Variants in AHRR observed in about 807,000 individuals in gnomAD.
The protein encoded by AHRR is ahR repressor.
Under a neutral mutation model 44.0 loss-of-function variants are expected in AHRR, and 28 were observed. The observed-to-expected ratio is 0.64, with a 90% CI of 0.47 to 0.87. AHRR has a LOEUF of 0.87. AHRR is among the 40% of genes least tolerant of loss of function. The pLI is 0.00. For synonymous variants in AHRR, 434 were observed against 407.0 expected, an observed-to-expected ratio of 1.07 and a Z score of -0.80; for missense variants, 990 against 953.9, an observed-to-expected ratio of 1.04 and a Z score of -0.50.
chr5:360,624 G>A (rs11745733), intron 3 of AHRR, among the ~76,000 whole-genome samples: 14,970 of 152,204 alleles, frequency 0.098, 1,053 homozygotes, highest in Non-Finnish European at 0.13. Context: ...GAGAACACAC[G>A]TACCCCATGA....
intron 8 of AHRR, among the ~76,000 whole-genome samples, chr5:429,326 G>A (rs72717413): frequency 0.15 from 20,826 of 135,748 alleles, 1,861 homozygotes; most frequent in Non-Finnish European, 0.22. Flanking sequence ...AGGTAGGGCC[G>A]GGGCCGCCAG....
In AHRR at chr5:348,101, C is replaced by T. The variant is rs145450397; in HGVS notation, c.62+4137C>T. On this transcript the variant is annotated intron_variant, in intron 2 of 10. Transcript: ENST00000684583. ...GGCAGCTGATGTGGGGGAAGCCGGG[C>T]GGCCGGCTGGGACAGCCCTCCCCTT... 1.8e-3 allele frequency among the ~76,000 whole-genome samples: 267 copies of T among 152,348 alleles called. 1 individual carries two copies. The highest frequency in any genetic ancestry group is 5.5e-3 in the African/African-American group (230 of 41,590).
chr5:400,789 G>T (rs183727211), intron 4 of AHRR, among the ~76,000 whole-genome samples: 35 of 152,212 alleles, frequency 2.3e-4, no homozygotes, highest in Non-Finnish European at 2.9e-5. Context: ...GCTTTTGGTT[G>T]TGACTAATCT....
intron 3 of AHRR, among the ~76,000 whole-genome samples, chr5:371,615 C>T (rs980515939): frequency 2.0e-5 from 3 of 152,184 alleles, no homozygotes; most frequent in Non-Finnish European, 4.4e-5. Context: ...GTCCTAGACC[C>T]ACCTGTCCTG....
rs1340804136 is a variant in AHRR, at chr5:435,075, T to C, written c.*241T>C. 1 of 548,836 alleles carries C rather than the reference T, an allele frequency of 1.8e-6. No homozygotes were observed. The highest frequency in any genetic ancestry group is 1.9e-5 in the African/African-American group (1 of 53,084). The allele number at this position is 548,836 out of a possible 1,614,324, so 34.0% of individuals were successfully genotyped here. On this transcript the variant is annotated 3_prime_UTR_variant, in exon 11 of 11. Coordinates refer to ENST00000684583, the MANE Select transcript of AHRR (RefSeq NM_001377236.1). ...TTAAGTCTATTCAAGCATGACAGCA[T>C]TTCTCTTTGAGGAATTAAAATCTTT...
intron 4 of AHRR, among the ~76,000 whole-genome samples, chr5:394,619 C>T (rs1734615989): frequency 2.7e-5 from 4 of 150,628 alleles, no homozygotes. Flanking sequence ...TGCTGGAGCC[C>T]TCTTGTCTCT....
chr5:336,161 C>T (rs56325643), intron 1 of AHRR, among the ~76,000 whole-genome samples: 15,243 of 152,198 alleles, frequency 0.1, 2,461 homozygotes, highest in African/African-American at 0.34. Flanking sequence ...TCCCTAAATC[C>T]GATGCAGATT....
chr5:432,937 G>A lies in AHRR; in HGVS notation c.1102G>A (p.Gly368Arg). The change falls in exon 10 of 11, where the codon GGG (glycine) becomes AGG (arginine). Residue 368 changes from glycine (G) to arginine (R), a missense_variant. Transcript: ENST00000684583. ...GGPDLVLDPK[G>R]GSGDREEEQH... ...CCCTGACCTTGTCCTTGACCCCAAG[G>A]GGGGCTCAGGGTAAGTGGTGCCAGG... 1 of 1,605,560 alleles carries A rather than the reference G, an allele frequency of 6.2e-7. No individual in the cohort carries two copies. The highest frequency in any genetic ancestry group is 1.1e-5 in the South Asian group (1 of 90,024).
chr5:414,316 C>T (rs1044914840), intron 5 of AHRR, among the ~76,000 whole-genome samples: 1 of 152,022 alleles, frequency 6.6e-6, no homozygotes, highest in Non-Finnish European at 1.5e-5. Context: ...AGGGGAGCAA[C>T]GGAGCTGTTT....
chr5:390,794 G>A (rs1184097709), intron 4 of AHRR, among the ~76,000 whole-genome samples: 2 of 152,192 alleles, frequency 1.3e-5, no homozygotes, highest in East Asian at 1.9e-4. Context: ...GGAGGGGCGG[G>A]TTTCATGGAA....
rs927289674 is a variant in AHRR, at chr5:342,357, C to T, written c.-10-1536C>T. On this transcript the variant is annotated intron_variant, in intron 1 of 10. Coordinates refer to ENST00000684583, the MANE Select transcript of AHRR (RefSeq NM_001377236.1). This position sits in a 1 kb window ranked among gnomAD's most constrained non-coding sequence, Gnocchi z 4.3. Reference sequence around the variant, plus strand: ...AAGCTCCATTGCTAGGTACATTTACCTTTAGGATTGTCAGATCTTCTTGGA... The same window carrying T: ...AAGCTCCATTGCTAGGTACATTTACTTTTAGGATTGTCAGATCTTCTTGGA... Among the ~76,000 whole-genome samples, 1 of 152,066 alleles carries T rather than the reference C, an allele frequency of 6.6e-6. No homozygotes were observed. Among genetic ancestry groups the T allele is most frequent in the Admixed American group, 6.6e-5 (1 of 15,260 alleles).
intron 8 of AHRR, among the ~76,000 whole-genome samples, chr5:431,080 C>G (rs1274107332): frequency 6.6e-6 from 1 of 152,180 alleles, no homozygotes; most frequent in Admixed American, 6.5e-5. Context: ...CATGGCAAGC[C>G]CGGTCTTCCC....
At chr5:396,866 T>A (rs1393832631) in intron 4 of AHRR, among the ~76,000 whole-genome samples, 1 of 143,998 alleles carries the variant, frequency 6.9e-6, no homozygotes, top group Non-Finnish European at 1.5e-5. Flanking sequence ...CCCGCCCAGC[T>A]GGGTCAGAGT....
chr5:376,832 T>C (rs1560898511), intron 4 of AHRR, 116 bp downstream of exon 4: 3 of 912,494 alleles, frequency 3.3e-6, no homozygotes, highest in Middle Eastern at 2.8e-4. Flanking sequence ...AGGAGGCCCT[T>C]AGGTTGTGAG....
chr5:431,536 A>G (rs1736731267), intron 8 of AHRR, among the ~76,000 whole-genome samples: 1 of 152,148 alleles, frequency 6.6e-6, no homozygotes, highest in Non-Finnish European at 1.5e-5. Flanking sequence ...CAGTGGTGCA[A>G]GATGCAAGGT....
In AHRR at chr5:404,940, G is replaced by A. The variant is rs1488107939; in HGVS notation, c.352-8404G>A. ...GCACGAGGCTGTCTTCACACTCCCC[G>A]CGGGGTCCATTTCATGTCCTGCTGA... On this transcript the variant is annotated intron_variant, in intron 4 of 10. Transcript: ENST00000684583. This position sits in a 1 kb window ranked among gnomAD's most constrained non-coding sequence, Gnocchi z 4.1. 2.6e-5 allele frequency among the ~76,000 whole-genome samples: 4 copies of A among 152,070 alleles called. No homozygotes were observed. Among genetic ancestry groups the A allele is most frequent in the Admixed American group, 6.6e-5 (1 of 15,264 alleles).
Position 434,905 on chromosome 5 carries a change from C to T in AHRR, c.*71C>T. Reference sequence around the variant, plus strand: ...ATGCGTCGGTGGCTGGGCTGCCCTGCTCCTGGTCAGGCCGGAGCCCGTCCT... The same window carrying T: ...ATGCGTCGGTGGCTGGGCTGCCCTGTTCCTGGTCAGGCCGGAGCCCGTCCT... On this transcript the variant is annotated 3_prime_UTR_variant, in exon 11 of 11. Transcript: ENST00000684583. The T allele has an allele frequency of 1.3e-6, 2 of 1,485,162 alleles. No homozygotes were observed. Among genetic ancestry groups the T allele is most frequent in the Non-Finnish European group, 1.8e-6 (2 of 1,111,472 alleles). The allele number at this position is 1,485,162 out of a possible 1,614,324, so 92.0% of individuals were successfully genotyped here.
chr5:324,719 G>T (rs1176118643), intron 1 of AHRR, among the ~76,000 whole-genome samples: 2 of 152,166 alleles, frequency 1.3e-5, no homozygotes, highest in Non-Finnish European at 2.9e-5. Context: ...AACCTGGGAG[G>T]TGGAGGTTGT....
At position 406,336 on chromosome 5, in the gene AHRR, A is replaced by T. The variant is rs1201409995; in HGVS notation, c.352-7008A>T. 1.3e-5 allele frequency among the ~76,000 whole-genome samples: 2 copies of T among 152,226 alleles called. No homozygotes were observed. The highest frequency in any genetic ancestry group is 2.9e-5 in the Non-Finnish European group (2 of 68,040). The stretch of plus-strand genomic sequence containing the variant: ...GACCAGTCCAGAATGGCCCCACGTC[A>T]GGAGAAAGAGTCCCCAATCCCCAGC... On this transcript the variant is annotated intron_variant, in intron 4 of 10. Coordinates refer to ENST00000684583, the MANE Select transcript of AHRR (RefSeq NM_001377236.1). The surrounding 1 kb of genome is among the most constrained non-coding windows in gnomAD (Gnocchi z 4.7).
Sources: allele counts gnomAD v4.1 joint callset (sites outside exome capture counted in the v4.1 genomes callset), GRCh38; gene constraint gnomAD v4.1.1; non-coding constraint Gnocchi (gnomAD v3.1); transcripts MANE v1.5; gene names NCBI Gene and HGNC (gene_info 2026-07-23, HGNC 2026-07-21).